PKIG: variants seen among roughly 807,000 people sequenced by gnomAD.
PKIG encodes cAMP-dependent protein kinase inhibitor gamma, also known as protein kinase (cAMP-dependent, catalytic) inhibitor gamma.
A neutral mutation model predicts 6.8 loss-of-function variants in PKIG; 1 was observed. The ratio of observed to expected loss-of-function variants is 0.15; its 90% CI spans 0.05 to 0.69. PKIG has a LOEUF of 0.69. PKIG is among the 30% of genes least tolerant of loss of function. The pLI, the probability that PKIG is intolerant of heterozygous loss-of-function variation, is 0.82. For missense variants in PKIG, 77 were observed against 104.0 expected (o/e 0.74, Z 1.13); for synonymous variants, 39 against 43.0 (o/e 0.91, Z 0.36).
At chr20:44,575,134 C>T (rs2064885657) in intron 1 of PKIG, among the ~76,000 whole-genome samples, 1 of 152,096 alleles carries the variant, frequency 6.6e-6, no homozygotes, top group Non-Finnish European at 1.5e-5. Context: ...TCACTGCAAC[C>T]TCCACCTCCC....
chr20:44,585,438 A>G (rs2064982193), intron 1 of PKIG, among the ~76,000 whole-genome samples: 1 of 152,202 alleles, frequency 6.6e-6, no homozygotes, highest in Non-Finnish European at 1.5e-5. Flanking sequence ...CATCTTGCAT[A>G]TGCTGACTTC....
intron 1 of PKIG, among the ~76,000 whole-genome samples, chr20:44,558,893 AAAT>A (rs2123232208): frequency 6.6e-6 from 1 of 152,108 alleles, no homozygotes; most frequent in Admixed American, 6.6e-5. Flanking sequence ...CTGGGACTAT[AAAT>A]GCGTGCCACT....
intron 1 of PKIG, among the ~76,000 whole-genome samples, chr20:44,550,392 T>C (rs991321620): frequency 2.0e-5 from 3 of 151,960 alleles, no homozygotes; most frequent in African/African-American, 7.3e-5. Flanking sequence ...GCAGTCTTTT[T>C]TACATTATTA....
chr20:44,548,752 T>C (rs1021409070), intron 1 of PKIG, among the ~76,000 whole-genome samples: 1 of 152,098 alleles, frequency 6.6e-6, no homozygotes, highest in African/African-American at 2.4e-5. Flanking sequence ...AGAATTTCTT[T>C]AGAAAATCAG....
intron 2 of PKIG, among the ~76,000 whole-genome samples, chr20:44,607,803 G>C (rs866343842): frequency 2.0e-5 from 3 of 151,240 alleles, no homozygotes; most frequent in Non-Finnish European, 4.4e-5. Context: ...TCCTGCCTCA[G>C]CCTCCCGAGT....
chr20:44,539,500 A>G (rs1210455625), intron 1 of PKIG, among the ~76,000 whole-genome samples: 2 of 151,628 alleles, frequency 1.3e-5, no homozygotes, highest in African/African-American at 4.8e-5. Flanking sequence ...GCTCACTGCA[A>G]CCTTGCCTCC....
At chr20:44,616,710 G>A (rs2065268014) in intron 3 of PKIG, among the ~76,000 whole-genome samples, 1 of 152,216 alleles carries the variant, frequency 6.6e-6, no homozygotes, top group Non-Finnish European at 1.5e-5. Context: ...GTCCAGGCAA[G>A]AGTGACTGGC....
chr20:44,618,442 A>T lies in PKIG; in HGVS notation c.*78A>T. ...GGGGGAACCCTGGCACTGGCCCAGC[A>T]GCCTCTTCTCTGAGCTCCATGTCCC... On this transcript the variant is annotated 3_prime_UTR_variant, in exon 4 of 4. Coordinates refer to ENST00000372886, the MANE Select transcript of PKIG (RefSeq NM_001281445.2). 2.1e-6 allele frequency: 2 copies of T among 974,702 alleles called. No homozygotes were observed. The highest frequency in any genetic ancestry group is 3.3e-6 in the Non-Finnish European group (2 of 600,280). 60.4% of individuals were successfully genotyped at this position (974,702 alleles called of 1,614,324 possible). A position where few individuals can be genotyped will look rare whatever the true frequency, so the allele number is the denominator to read the frequency against.
chr20:44,591,424 G>C (rs1438821094), intron 2 of PKIG, among the ~76,000 whole-genome samples: 1 of 152,028 alleles, frequency 6.6e-6, no homozygotes, highest in Non-Finnish European at 1.5e-5. Context: ...TCTAGCTTCA[G>C]TTTGGGTAAG....
chr20:44,578,362 A>G (rs1225373037), upstream of PKIG, among the ~76,000 whole-genome samples: 1 of 150,762 alleles, frequency 6.6e-6, no homozygotes, highest in African/African-American at 2.4e-5. Context: ...AAGGGACTAC[A>G]TGTGTGCACC....
Position 44,539,423 on chromosome 20 carries a change from G to GT in PKIG, c.-241+7459dup, listed in dbSNP as rs770775515. Among the ~76,000 whole-genome samples the GT allele has an allele frequency of 4.6e-3, 637 of 138,634 alleles. 2 individuals are homozygous for GT. Among genetic ancestry groups the GT allele is most frequent in the African/African-American group, 8.5e-3 (323 of 38,074 alleles). The allele number at this position is 138,634 out of a possible 152,430, so 90.9% of individuals were successfully genotyped here. On this transcript the variant is annotated intron_variant, in intron 1 of 4. Transcript: ENST00000372887. Reference sequence around the variant, plus strand: ...ACAAATTTGTAAACTTTCTTTCTTTGTTTTTTTTTTTTTTGAACGAAGTTT... The same window carrying GT: ...ACAAATTTGTAAACTTTCTTTCTTTGTTTTTTTTTTTTTTTGAACGAAGTTT...
Position 44,567,621 on chromosome 20 carries a change from T to C in PKIG, c.-240-14964T>C, listed in dbSNP as rs244119. On this transcript the variant is annotated intron_variant, in intron 1 of 4. Transcript: ENST00000372887. Reference sequence around the variant, plus strand: ...AGAGCTCATTTCTTCCCACTTTCAGTGTACCTTCAACGGCTTTTCTAGCTA... The same window carrying C: ...AGAGCTCATTTCTTCCCACTTTCAGCGTACCTTCAACGGCTTTTCTAGCTA... 3.1e-3 allele frequency among the ~76,000 whole-genome samples: 478 copies of C among 152,302 alleles called. 1 individual carries two copies. Among genetic ancestry groups the C allele is most frequent in the African/African-American group, 0.011 (447 of 41,564 alleles).
intron 2 of PKIG, among the ~76,000 whole-genome samples, chr20:44,597,393 T>C (rs902520170): frequency 6.6e-6 from 1 of 152,176 alleles, no homozygotes; most frequent in Non-Finnish European, 1.5e-5. Context: ...AACTAGACCA[T>C]GGACTTCCCT....
chr20:44,612,326 C>G (rs1244387267), intron 2 of PKIG, among the ~76,000 whole-genome samples: 1 of 152,028 alleles, frequency 6.6e-6, no homozygotes, highest in Non-Finnish European at 1.5e-5. Flanking sequence ...AGTAAACATC[C>G]TCACACTAGA....
upstream of PKIG, among the ~76,000 whole-genome samples, chr20:44,578,774 TAATC>T (rs1309105385): frequency 3.3e-5 from 5 of 152,340 alleles, no homozygotes; most frequent in African/African-American, 1.2e-4. Context: ...CGTAACAAAT[TAATC>T]AATCTGTGCC....
chr20:44,592,944 C>A (rs930067033), intron 2 of PKIG, among the ~76,000 whole-genome samples: 1 of 152,068 alleles, frequency 6.6e-6, no homozygotes, highest in Non-Finnish European at 1.5e-5. Context: ...AGAAATAGAA[C>A]AAATAATCCT....
At chr20:44,574,388 A>G (rs944760433) in intron 1 of PKIG, among the ~76,000 whole-genome samples, 2 of 152,132 alleles carry the variant, frequency 1.3e-5, no homozygotes, top group Non-Finnish European at 2.9e-5. Context: ...ACATGTACAA[A>G]ACTAGAAAGA....
At chr20:44,589,025 A>G (rs2065013162) in intron 1 of PKIG, among the ~76,000 whole-genome samples, 1 of 152,222 alleles carries the variant, frequency 6.6e-6, no homozygotes, top group Non-Finnish European at 1.5e-5. Flanking sequence ...ATTTTTTTCA[A>G]AAGAGAGAAG....
intron 2 of PKIG, among the ~76,000 whole-genome samples, chr20:44,609,496 C>G (rs1177708752): frequency 6.6e-6 from 1 of 152,166 alleles, no homozygotes; most frequent in Non-Finnish European, 1.5e-5. Flanking sequence ...AGAGGACAGG[C>G]GGGCAGCAGG....
Sources: allele counts gnomAD v4.1 joint callset (sites outside exome capture counted in the v4.1 genomes callset), GRCh38; gene constraint gnomAD v4.1.1; transcripts MANE v1.5; gene names NCBI Gene and HGNC (gene_info 2026-07-23, HGNC 2026-07-21).